ROBO2: variants seen among roughly 807,000 people sequenced by gnomAD.
The protein encoded by ROBO2 is roundabout guidance receptor 2, also known as roundabout homolog 2.
ROBO2 carries 53 observed loss-of-function variants against 160.8 expected under a neutral mutation model. The ratio of observed to expected loss-of-function variants is 0.33; its 90% CI spans 0.26 to 0.41. ROBO2 has a LOEUF of 0.41. Among genes scored for constraint, ROBO2 ranks in the 10% least tolerant of loss-of-function variants. The pLI is 1.00. For synonymous variants in ROBO2, 664 were observed against 611.7 expected (o/e 1.09, Z -1.26); for missense variants, 1,577 against 1,722.4 (o/e 0.92, Z 1.49).
chr3:76,665,968 T>C (rs545903787), intron 2 of ROBO2, among the ~76,000 whole-genome samples: 1 of 138,894 alleles, frequency 7.2e-6, no homozygotes, highest in Non-Finnish European at 1.5e-5. Context: ...ATACATATAA[T>C]ATATATAATA....
intron 2 of ROBO2, among the ~76,000 whole-genome samples, chr3:77,223,349 G>T (rs138588792): frequency 1.3e-5 from 2 of 151,998 alleles, no homozygotes; most frequent in South Asian, 2.1e-4. Flanking sequence ...TACATTTAAC[G>T]GATATTGAAA....
chr3:76,622,886 C>A (rs2121789), intron 2 of ROBO2, among the ~76,000 whole-genome samples: 59,481 of 152,022 alleles, frequency 0.39, 11,806 homozygotes, highest in South Asian at 0.51. Flanking sequence ...ACCATTGAAT[C>A]CAAGTCAGGC....
At chr3:77,395,978 G>A (rs532611437) in intron 2 of ROBO2, among the ~76,000 whole-genome samples, 9 of 149,764 alleles carry the variant, frequency 6.0e-5, no homozygotes, top group Admixed American at 1.3e-4. Flanking sequence ...CTAGGAAATC[G>A]TTCTGCAATA....
At chr3:76,262,019 C>A (rs539175040) in intron 2 of ROBO2, among the ~76,000 whole-genome samples, 2 of 152,048 alleles carry the variant, frequency 1.3e-5, no homozygotes, top group Non-Finnish European at 1.5e-5. Flanking sequence ...TTATGCAGAG[C>A]ATGCTTGTTG....
chr3:76,749,250 T>G (rs2093940844), intron 2 of ROBO2, among the ~76,000 whole-genome samples: 1 of 151,934 alleles, frequency 6.6e-6, no homozygotes, highest in Non-Finnish European at 1.5e-5. Flanking sequence ...AATAATTTCT[T>G]TAGAAAAAAA....
chr3:76,921,701 C>CT (rs887483314), intron 2 of ROBO2, among the ~76,000 whole-genome samples: 32 of 151,978 alleles, frequency 2.1e-4, no homozygotes, highest in Admixed American at 2.6e-4. Context: ...TTCTTTCTTT[C>CT]TTTTTTTGGT....
At chr3:76,572,712 CT>C (rs2085031345) in intron 2 of ROBO2, among the ~76,000 whole-genome samples, 1 of 152,166 alleles carries the variant, frequency 6.6e-6, no homozygotes, top group African/African-American at 2.4e-5. Flanking sequence ...GACTCCACAA[CT>C]TTATTCTGAG....
intron 2 of ROBO2, among the ~76,000 whole-genome samples, chr3:76,791,335 C>T (rs774591): frequency 0.85 from 128,189 of 151,698 alleles, 54,291 homozygotes; most frequent in African/African-American, 0.87. Context: ...GTCCCCAGCC[C>T]TGTGTGATAC....
intron 2 of ROBO2, among the ~76,000 whole-genome samples, chr3:76,299,630 C>T (rs988037896): frequency 6.6e-6 from 1 of 152,036 alleles, no homozygotes; most frequent in African/African-American, 2.4e-5. Context: ...ATTGTGTCCA[C>T]AAAATACACA....
chr3:77,320,573 G>C (rs1159439034), intron 2 of ROBO2, among the ~76,000 whole-genome samples: 1 of 151,778 alleles, frequency 6.6e-6, no homozygotes, highest in Non-Finnish European at 1.5e-5. Flanking sequence ...AAAAAAGAAG[G>C]GCTCTTATTT....
intron 1 of ROBO2, among the ~76,000 whole-genome samples, chr3:75,914,280 A>G (rs1395729691): frequency 6.6e-6 from 1 of 152,198 alleles, no homozygotes; most frequent in African/African-American, 2.4e-5. Context: ...TTAAAACAAT[A>G]AATTTTATAA....
Position 76,102,665 on chromosome 3 carries a change from T to C in ROBO2, c.109+165063T>C, listed in dbSNP as rs140961795. Among the ~76,000 whole-genome samples the C allele has an allele frequency of 5.4e-3, 819 of 152,326 alleles. 11 individuals carry two copies. The highest frequency in any genetic ancestry group is 0.019 in the African/African-American group (793 of 41,588). Reference sequence around the variant, plus strand: ...TGATTATGAATACTTTTGAAGATAGTAACATTTATTTTGGTAGAAGGGATG... The same window carrying C: ...TGATTATGAATACTTTTGAAGATAGCAACATTTATTTTGGTAGAAGGGATG... On this transcript the variant is annotated intron_variant, in intron 2 of 26. Transcript: ENST00000487694.
intron 2 of ROBO2, among the ~76,000 whole-genome samples, chr3:76,359,422 C>T (rs1186556087): frequency 6.6e-6 from 1 of 152,012 alleles, no homozygotes; most frequent in Non-Finnish European, 1.5e-5. Flanking sequence ...TTCATGTTAT[C>T]CTAGACCTAT....
chr3:77,046,400 G>T (rs774928550), intron 1 of ROBO2, among the ~76,000 whole-genome samples: 1 of 152,068 alleles, frequency 6.6e-6, no homozygotes, highest in Non-Finnish European at 1.5e-5. Flanking sequence ...CAGTTGCCTC[G>T]TAAAACTTTA....
At chr3:76,298,436 C>A (rs1342112984) in intron 2 of ROBO2, among the ~76,000 whole-genome samples, 1 of 151,902 alleles carries the variant, frequency 6.6e-6, no homozygotes, top group Admixed American at 6.6e-5. Flanking sequence ...CATTCTAAGC[C>A]CCATTTTGAA....
intron 7 of ROBO2, among the ~76,000 whole-genome samples, chr3:77,548,026 A>T (rs1340548761): frequency 1.3e-5 from 2 of 151,496 alleles, no homozygotes; most frequent in African/African-American, 4.8e-5. Flanking sequence ...TACCACACAC[A>T]TACACATACG....
intron 2 of ROBO2, among the ~76,000 whole-genome samples, chr3:76,525,860 A>G (rs946532022): frequency 6.6e-6 from 1 of 152,006 alleles, no homozygotes; most frequent in African/African-American, 2.4e-5. Flanking sequence ...TTATGCTCAT[A>G]AAGTAGACAC....
chr3:76,952,885 A>G (rs2079040341), intron 2 of ROBO2, among the ~76,000 whole-genome samples: 1 of 152,206 alleles, frequency 6.6e-6, no homozygotes, highest in Non-Finnish European at 1.5e-5. Context: ...ATTTACACAC[A>G]TTGCATAAAC....
intron 2 of ROBO2, among the ~76,000 whole-genome samples, chr3:76,924,513 ACT>A (rs902330511): frequency 1.3e-5 from 2 of 152,196 alleles, no homozygotes; most frequent in Non-Finnish European, 1.5e-5. Flanking sequence ...ATAAACATTT[ACT>A]GTCTGTAAGC....
Sources: allele counts gnomAD v4.1 joint callset (sites outside exome capture counted in the v4.1 genomes callset), GRCh38; gene constraint gnomAD v4.1.1; transcripts MANE v1.5; gene names NCBI Gene and HGNC (gene_info 2026-07-23, HGNC 2026-07-21).